The following C1orf21 variants were observed in gnomAD, a reference collection of about 807,000 sequenced individuals.
C1orf21 encodes chromosome 1 open reading frame 21, also known as uncharacterized protein C1orf21.
C1orf21 carries 3 observed loss-of-function variants against 18.7 expected under a neutral mutation model. The observed-to-expected ratio is 0.16, with a 90% CI of 0.07 to 0.42. The LOEUF is 0.42. Among genes scored for constraint, C1orf21 ranks in the 10% least tolerant of loss-of-function variants. The probability of loss-of-function intolerance (pLI) is 0.99; values close to 1 mark genes in which losing one functional copy is unlikely to be tolerated. For synonymous variants in C1orf21, 41 were observed against 46.4 expected, an observed-to-expected ratio of 0.88 and a Z score of 0.47; for missense variants, 104 against 143.6, an observed-to-expected ratio of 0.72 and a Z score of 1.41.
chr1:184,430,450 A>G (rs1656722806), intron 1 of C1orf21, among the ~76,000 whole-genome samples: 1 of 152,216 alleles, frequency 6.6e-6, no homozygotes. Context: ...ATGACAAACA[A>G]CCATTCTATT....
At chr1:184,410,663 A>ATATTTT (rs67546366) in intron 1 of C1orf21, among the ~76,000 whole-genome samples, 9 of 7,668 alleles carry the variant, frequency 1.2e-3, no homozygotes, top group Non-Finnish European at 1.7e-3. Context: ...ATATATATAT[A>ATATTTT]TTTTTTTTTT....
chr1:184,556,135 C>T (rs917365146), intron 3 of C1orf21, among the ~76,000 whole-genome samples: 1 of 152,050 alleles, frequency 6.6e-6, no homozygotes, highest in Non-Finnish European at 1.5e-5. Context: ...CAGTGTTCAC[C>T]ACAGTATGGA....
At chr1:184,413,665 G>A (rs1022610823) in intron 1 of C1orf21, among the ~76,000 whole-genome samples, 2 of 152,164 alleles carry the variant, frequency 1.3e-5, no homozygotes. Flanking sequence ...CTCACTGTGG[G>A]GACTCTTGGA....
chr1:184,423,794 C>T (rs1656584728), intron 1 of C1orf21, among the ~76,000 whole-genome samples: 3 of 152,002 alleles, frequency 2.0e-5, no homozygotes, highest in Admixed American at 6.6e-5. Context: ...ATTCATCCCT[C>T]CTTCCATCTC....
At chr1:184,565,743 A>G (rs1490934095) in intron 3 of C1orf21, among the ~76,000 whole-genome samples, 3 of 152,260 alleles carry the variant, frequency 2.0e-5, no homozygotes, top group Admixed American at 2.0e-4. Context: ...GAAATTACAC[A>G]TTATTAAAGT....
chr1:184,486,245 C>A (rs1035780332), intron 2 of C1orf21, among the ~76,000 whole-genome samples: 2 of 152,136 alleles, frequency 1.3e-5, no homozygotes, highest in Non-Finnish European at 2.9e-5. Context: ...ATGCTCATTT[C>A]AATAGGGAAA....
At chr1:184,463,857 A>G (rs772117917) in intron 1 of C1orf21, among the ~76,000 whole-genome samples, 16 of 152,262 alleles carry the variant, frequency 1.1e-4, no homozygotes, top group Non-Finnish European at 1.9e-4. Context: ...ATAGACACAT[A>G]TAGATGACGT....
intron 3 of C1orf21, among the ~76,000 whole-genome samples, chr1:184,523,620 AT>A (rs1658336517): frequency 1.3e-5 from 2 of 152,206 alleles, no homozygotes; most frequent in Admixed American, 6.5e-5. Flanking sequence ...TACTTGATTA[AT>A]TGTGACAAGT....
chr1:184,410,631 A>AATATATATAT (rs1222384246), intron 1 of C1orf21, among the ~76,000 whole-genome samples: 1 of 3,094 alleles, frequency 3.2e-4, no homozygotes, highest in African/African-American at 4.7e-3. Flanking sequence ...ATATATATAT[A>AATATATATAT]TATATATATA....
At chr1:184,418,185 A>G (rs1656487690) in intron 1 of C1orf21, among the ~76,000 whole-genome samples, 1 of 151,948 alleles carries the variant, frequency 6.6e-6, no homozygotes, top group Non-Finnish European at 1.5e-5. Flanking sequence ...ACTGTGCTGA[A>G]TCAGAGGAAA....
chr1:184,403,235 G>A (rs1376249625), intron 1 of C1orf21, among the ~76,000 whole-genome samples: 1 of 152,122 alleles, frequency 6.6e-6, no homozygotes, highest in African/African-American at 2.4e-5. Flanking sequence ...AAGAAATTGT[G>A]GTACATTCAT....
intron 3 of C1orf21, among the ~76,000 whole-genome samples, chr1:184,565,174 A>C (rs2101987568): frequency 1.3e-5 from 2 of 152,328 alleles, no homozygotes; most frequent in South Asian, 4.1e-4. Flanking sequence ...AAGTGTGTGC[A>C]CACACATATG....
intron 3 of C1orf21, among the ~76,000 whole-genome samples, chr1:184,515,751 G>T (rs927568997): frequency 6.6e-6 from 1 of 152,112 alleles, no homozygotes; most frequent in Admixed American, 6.6e-5. Flanking sequence ...GCCATTTGAT[G>T]ATGGATTTTT....
intron 1 of C1orf21, among the ~76,000 whole-genome samples, chr1:184,409,548 T>C (rs1325715877): frequency 6.6e-6 from 1 of 152,162 alleles, no homozygotes; most frequent in Non-Finnish European, 1.5e-5. Context: ...ACCAAAATAA[T>C]ATAACCATCT....
At chr1:184,409,956 T>C (rs1432709773) in intron 1 of C1orf21, among the ~76,000 whole-genome samples, 2 of 152,150 alleles carry the variant, frequency 1.3e-5, no homozygotes, top group African/African-American at 4.8e-5. Context: ...GGCAGACTTA[T>C]GAGAAATAAA....
chr1:184,492,646 T>C (rs1266234557), intron 2 of C1orf21, among the ~76,000 whole-genome samples: 4 of 152,202 alleles, frequency 2.6e-5, no homozygotes, highest in African/African-American at 9.7e-5. Flanking sequence ...TGAGAAAGCT[T>C]GAAGTGTGTG....
chr1:184,574,476 A>T (rs1003014051), intron 3 of C1orf21, among the ~76,000 whole-genome samples: 1 of 152,212 alleles, frequency 6.6e-6, no homozygotes, highest in Non-Finnish European at 1.5e-5. Flanking sequence ...AGGATTACGT[A>T]TTTATGTTTG....
intron 3 of C1orf21, among the ~76,000 whole-genome samples, chr1:184,551,858 G>A (rs1210999733): frequency 6.6e-6 from 1 of 151,582 alleles, no homozygotes; most frequent in Non-Finnish European, 1.5e-5. Flanking sequence ...AATAAAATTA[G>A]CCGGGTGTGG....
intron 1 of C1orf21, among the ~76,000 whole-genome samples, chr1:184,432,331 A>G (rs945826503): frequency 2.0e-5 from 3 of 152,232 alleles, no homozygotes; most frequent in African/African-American, 7.2e-5. Flanking sequence ...ATGGAATACT[A>G]TGCAACCATA....
Sources: allele counts gnomAD v4.1 joint callset (sites outside exome capture counted in the v4.1 genomes callset), GRCh38; gene constraint gnomAD v4.1.1; transcripts MANE v1.5; gene names NCBI Gene and HGNC (gene_info 2026-07-23, HGNC 2026-07-21).